The following ABHD4 variants were observed in gnomAD, a reference collection of about 807,000 sequenced individuals.
ABHD4 encodes abhydrolase domain containing 4, N-acyl phospholipase B.
Under a neutral mutation model 42.3 loss-of-function variants are expected in ABHD4, and 35 were observed. The ratio of observed to expected loss-of-function variants is 0.83; its 90% CI spans 0.63 to 1.10. The LOEUF (loss-of-function observed/expected upper bound fraction) is 1.10. ABHD4 is among the 50% of genes least tolerant of loss of function. ABHD4 has a pLI of 0.00. For synonymous variants in ABHD4, 169 were observed against 170.6 expected (o/e 0.99, Z 0.07); for missense variants, 389 against 454.8 (o/e 0.86, Z 1.32).
chr14:22,599,546 C>T (rs2037258748), intron 1 of ABHD4, among the ~76,000 whole-genome samples: 1 of 152,238 alleles, frequency 6.6e-6, no homozygotes, highest in Non-Finnish European at 1.5e-5. Flanking sequence ...TGAGCACATA[C>T]AGTGTGCCAG....
intron 4 of ABHD4, chr14:22,605,706 AG>A: frequency 1.5e-6 from 1 of 648,770 alleles, no homozygotes; most frequent in Non-Finnish European, 2.5e-6. Flanking sequence ...ACTATGCAGG[AG>A]GGAGGGCCAG....
intron 6 of ABHD4, 125 bp downstream of exon 6, chr14:22,610,035 A>T: frequency 1.1e-6 from 1 of 891,566 alleles, no homozygotes; most frequent in Non-Finnish European, 1.6e-6. Flanking sequence ...AGTAGATTTG[A>T]GAAGTTTGGA....
chr14:22,604,548 G>GT (rs1362855224), intron 4 of ABHD4, among the ~76,000 whole-genome samples: 11 of 91,908 alleles, frequency 1.2e-4, no homozygotes, highest in Middle Eastern at 5.1e-3. Flanking sequence ...CGCCTGGCCT[G>GT]TTTTTTGTTT....
At chr14:22,607,400 T>C (rs2037361516) in intron 5 of ABHD4, among the ~76,000 whole-genome samples, 1 of 152,110 alleles carries the variant, frequency 6.6e-6, no homozygotes. Context: ...AAAGGCAAGC[T>C]TACTGCCCTA....
At chr14:22,599,775 G>C (rs555417285) in intron 1 of ABHD4, among the ~76,000 whole-genome samples, 11 of 152,256 alleles carry the variant, frequency 7.2e-5, no homozygotes, top group African/African-American at 1.9e-4. Flanking sequence ...GTCTCTTAAG[G>C]CTGACAAAAT....
intron 1 of ABHD4, among the ~76,000 whole-genome samples, chr14:22,600,350 T>C (rs2037267835): frequency 6.6e-6 from 1 of 152,250 alleles, no homozygotes; most frequent in Non-Finnish European, 1.5e-5. Flanking sequence ...GAGAGAAACC[T>C]GGATTTGAGA....
At chr14:22,602,881 T>C (rs1174750862) in intron 2 of ABHD4, among the ~76,000 whole-genome samples, 1 of 152,114 alleles carries the variant, frequency 6.6e-6, no homozygotes, top group Non-Finnish European at 1.5e-5. Context: ...AACTCTTGAA[T>C]ACATTAAGGA....
chr14:22,601,840 C>A (rs1252039292), intron 2 of ABHD4, 85 bp downstream of exon 2: 2 of 1,187,778 alleles, frequency 1.7e-6, no homozygotes, highest in Admixed American at 1.9e-5. Context: ...TACATTGAGC[C>A]CACTGATTCC....
chr14:22,604,134 A>G, intron 4 of ABHD4, 55 bp downstream of exon 4: 1 of 1,584,702 alleles, frequency 6.3e-7, no homozygotes, highest in East Asian at 2.3e-5. Context: ...TAGAAGGCCC[A>G]CAGTGTCTTT....
Position 22,603,389 on chromosome 14 carries a change from G to C in ABHD4, c.113-1G>C. ...TTACCATGGGATTCTTTCCTCCCCA[G>C]GTCTCCAGAATAAGTTCCTGGCCAG... On this transcript the variant is annotated splice_acceptor_variant, in intron 2 of 6. Coordinates refer to ENST00000428304, the MANE Select transcript of ABHD4 (RefSeq NM_022060.3). LOFTEE classifies it high-confidence loss of function. 1.9e-6 allele frequency: 3 copies of C among 1,614,164 alleles called. No homozygotes were observed. The highest frequency in any genetic ancestry group is 1.1e-5 in the South Asian group (1 of 91,058).
chr14:22,609,730 G>C lies in ABHD4; in HGVS notation c.759G>C (p.Glu253Asp). The C allele has an allele frequency of 6.2e-7, 1 of 1,613,714 alleles. No homozygotes were observed. The highest frequency in any genetic ancestry group is 1.3e-5 in the African/African-American group (1 of 75,040). The change falls in exon 6 of 7, where the codon GAG becomes GAC. Residue 253 changes from glutamate (E) to aspartate (D), a missense_variant. By Grantham distance (45) the Glu-to-Asp change is conservative. Transcript: ENST00000428304. ...YHCNAQNPSG[E>D]TAFKAMMESF... is the part of the protein sequence containing the mutation. The stretch of plus-strand genomic sequence containing the variant: ...GCTGTTTTGCTTTTGACAGTGGTGA[G>C]ACAGCATTCAAAGCCATGATGGAGT...
intron 5 of ABHD4, 114 bp from the exon 6 acceptor site, chr14:22,609,610 G>C (rs1049576795): frequency 8.5e-7 from 1 of 1,172,368 alleles, no homozygotes; most frequent in Non-Finnish European, 1.2e-6. Flanking sequence ...AATGAGCCCA[G>C]TGTGGGGCTT....
At chr14:22,598,747 C>G (rs1283212765) in intron 1 of ABHD4, 2 of 362,780 alleles carry the variant, frequency 5.5e-6, no homozygotes, top group African/African-American at 4.2e-5. Flanking sequence ...AGCCTCCTCC[C>G]TCCGCCCGGC....
chr14:22,599,045 G>C (rs2037251807), intron 1 of ABHD4: 1 of 152,384 alleles, frequency 6.6e-6, no homozygotes, highest in African/African-American at 2.4e-5. Flanking sequence ...AAGTTGCTAC[G>C]AGAAGAATGA....
chr14:22,605,833 C>G, intron 4 of ABHD4: 3 of 1,288,778 alleles, frequency 2.3e-6, no homozygotes, highest in Non-Finnish European at 3.0e-6. Context: ...AGAAGTTGAC[C>G]AGTAGACCTC....
Position 22,612,462 on chromosome 14 carries a change from T to C in ABHD4, c.*1514T>C, listed in dbSNP as rs1001289504. Reference sequence around the variant, plus strand: ...AAGGGAGTCCTGAGGGTTGCCTGCCTACCCACGACTCCTTCTCCTTTTAGT... The same window carrying C: ...AAGGGAGTCCTGAGGGTTGCCTGCCCACCCACGACTCCTTCTCCTTTTAGT... On this transcript the variant is annotated 3_prime_UTR_variant, in exon 7 of 7. Coordinates refer to ENST00000428304, the MANE Select transcript of ABHD4 (RefSeq NM_022060.3). 1.3e-5 allele frequency: 2 copies of C among 152,272 alleles called. No individual in the cohort carries two copies. Among genetic ancestry groups the C allele is most frequent in the African/African-American group, 4.8e-5 (2 of 41,460 alleles). 9.4% of individuals were successfully genotyped at this position (152,272 alleles called of 1,614,324 possible). A position where few individuals can be genotyped will look rare whatever the true frequency, so the allele number is the denominator to read the frequency against.
chr14:22,603,439 T>A lies in ABHD4; in HGVS notation c.162T>A (p.Asn54Lys). The change falls in exon 3 of 7, where the codon AAT becomes AAA. Residue 54 changes from asparagine (N) to lysine (K), a missense_variant. Asn to Lys is a moderately conservative substitution (Grantham distance 94, BLOSUM62 0). This residue lies in a region of ABHD4 where 102 missense variants were observed against 128.3 expected (regional missense o/e 0.80). Transcript: ENST00000428304. ...LARYVSLPNQ[N>K]KIWTVTVSPE... ...GATATGTATCCCTCCCAAACCAGAA[T>A]AAGATCTGGACGGTGACTGTGAGCC... 1 of 1,614,182 alleles carries A rather than the reference T, an allele frequency of 6.2e-7. No individual in the cohort carries two copies. Among genetic ancestry groups the A allele is most frequent in the South Asian group, 1.1e-5 (1 of 91,088 alleles).
chr14:22,598,769 G>A (rs529257015), intron 1 of ABHD4: 1 of 349,094 alleles, frequency 2.9e-6, no homozygotes, highest in Admixed American at 3.8e-5. Flanking sequence ...AAGAGAAGAT[G>A]TGGAGAGACT....
chr14:22,606,603 T>G (rs1378597510), intron 5 of ABHD4, 70 bp downstream of exon 5: 10 of 1,073,542 alleles, frequency 9.3e-6, no homozygotes, highest in Admixed American at 4.2e-5. Context: ...GCTGCTGGAG[T>G]TCTGGGCTTT....
Sources: allele counts gnomAD v4.1 joint callset (sites outside exome capture counted in the v4.1 genomes callset), GRCh38; gene constraint gnomAD v4.1.1; regional missense constraint gnomAD v4.1.1; transcripts MANE v1.5; gene names NCBI Gene and HGNC (gene_info 2026-07-23, HGNC 2026-07-21).